DNAI7: variants seen among roughly 807,000 people sequenced by gnomAD.
The protein encoded by DNAI7 is cancer susceptibility 1.
A neutral mutation model predicts 86.6 loss-of-function variants in DNAI7; 78 were observed. The observed-to-expected ratio is 0.90, with a 90% CI of 0.75 to 1.09. The LOEUF (loss-of-function observed/expected upper bound fraction) is 1.09. DNAI7 is among the 50% of genes least tolerant of loss of function. DNAI7 has a pLI of 0.00. For missense variants in DNAI7, 753 were observed against 810.2 expected (o/e 0.93, Z 0.86); for synonymous variants, 274 against 273.0 (o/e 1.00, Z -0.04).
At chr12:25,118,657 G>A (rs2140426182) in intron 12 of DNAI7, among the ~76,000 whole-genome samples, 1 of 152,190 alleles carries the variant, frequency 6.6e-6, no homozygotes, top group Middle Eastern at 3.4e-3. Flanking sequence ...CACCTCCCGG[G>A]TTCAGGCGAT....
rs543114485 is a variant in DNAI7, at chr12:25,163,308, C to T, written c.22-2111G>A. Among the ~76,000 whole-genome samples, 8 of 152,088 alleles carry T rather than the reference C, an allele frequency of 5.3e-5. 1 individual carries two copies. The East Asian group carries it at 9.6e-4, about 18-fold the overall frequency. On this transcript the variant is annotated intron_variant, in intron 2 of 15. Coordinates refer to ENST00000395987, the MANE Select transcript of DNAI7 (RefSeq NM_018272.5). ...GTTCCTGCCTTAACTGATGACATTCCGCCACAAAAAAAGTGAAAATGGCCT... is the reference window on the plus strand; with the variant it reads ...GTTCCTGCCTTAACTGATGACATTCTGCCACAAAAAAAGTGAAAATGGCCT...
At chr12:25,137,433 A>G (rs1034754804) in intron 9 of DNAI7, among the ~76,000 whole-genome samples, 1 of 152,038 alleles carries the variant, frequency 6.6e-6, no homozygotes, top group Non-Finnish European at 1.5e-5. Context: ...ACCCCCCTAA[A>G]TCATAAATCT....
intron 5 of DNAI7, 54 bp downstream of exon 5, chr12:25,155,257 A>T: frequency 2.2e-6 from 2 of 892,534 alleles, no homozygotes; most frequent in Non-Finnish European, 3.5e-6. Context: ...ATTGGACTAC[A>T]CCTCCCTCTT....
At chr12:25,140,478 T>A (rs1372232523) in intron 9 of DNAI7, among the ~76,000 whole-genome samples, 2 of 151,700 alleles carry the variant, frequency 1.3e-5, no homozygotes, top group East Asian at 1.9e-4. Context: ...AATAAATAAA[T>A]AAAATACTTA....
At chr12:25,166,134 T>C (rs1238145926) in intron 2 of DNAI7, among the ~76,000 whole-genome samples, 1 of 152,126 alleles carries the variant, frequency 6.6e-6, no homozygotes, top group Non-Finnish European at 1.5e-5. Context: ...TCAATGCCAA[T>C]ATCCCATCCC....
At chr12:25,160,686 T>C (rs922346936) in intron 3 of DNAI7, among the ~76,000 whole-genome samples, 1 of 152,218 alleles carries the variant, frequency 6.6e-6, no homozygotes, top group African/African-American at 2.4e-5. Context: ...ATTGCTCCAT[T>C]GGTGAGAGAG....
At position 25,147,745 on chromosome 12, in the gene DNAI7, T is replaced by C. The variant is rs185755743; in HGVS notation, c.586-641A>G. ...TTTCTCAGTCATAACATCAGAATCA[T>C]GACTTTTCATTTTAACTATACACAT... On this transcript the variant is annotated intron_variant, in intron 7 of 15. Transcript: ENST00000395987. Among the ~76,000 whole-genome samples, 377 of 152,328 alleles carry C rather than the reference T, an allele frequency of 2.5e-3. 2 individuals carry two copies. Among genetic ancestry groups the C allele is most frequent in the Non-Finnish European group, 4.6e-3 (316 of 68,022 alleles).
At chr12:25,157,070 C>T (rs913325512) in intron 4 of DNAI7, among the ~76,000 whole-genome samples, 6 of 151,992 alleles carry the variant, frequency 3.9e-5, no homozygotes, top group Middle Eastern at 3.2e-3. Context: ...GGGTGGATCA[C>T]GAGGTCAGGT....
chr12:25,187,626 T>G (rs1950150349), intron 2 of DNAI7, among the ~76,000 whole-genome samples: 1 of 152,084 alleles, frequency 6.6e-6, no homozygotes, highest in Admixed American at 6.6e-5. Flanking sequence ...GCCTTGATTG[T>G]GATAGCAAAA....
chr12:25,109,623 T>C (rs1274835604), intron 15 of DNAI7, among the ~76,000 whole-genome samples: 2 of 152,204 alleles, frequency 1.3e-5, no homozygotes. Flanking sequence ...AGTCAAGAGC[T>C]TGGACAACAA....
intron 9 of DNAI7, among the ~76,000 whole-genome samples, chr12:25,124,974 A>G (rs2352784): frequency 0.4 from 60,371 of 152,036 alleles, 13,856 homozygotes; most frequent in East Asian, 0.77. Context: ...ATGGCTGCAT[A>G]GTATTCCATG....
intron 4 of DNAI7, among the ~76,000 whole-genome samples, chr12:25,157,203 G>A (rs11047866): frequency 0.11 from 17,264 of 150,288 alleles, 1,339 homozygotes; most frequent in Admixed American, 0.16. Flanking sequence ...GCGTGAACCC[G>A]GGAGGCGGAG....
At chr12:25,113,582 G>A (rs1179836526) in intron 13 of DNAI7, among the ~76,000 whole-genome samples, 1 of 152,102 alleles carries the variant, frequency 6.6e-6, no homozygotes, top group Non-Finnish European at 1.5e-5. Context: ...TTACAGGCGT[G>A]AGCCACCGCT....
At chr12:25,182,137 T>G (rs1345752588) in intron 2 of DNAI7, among the ~76,000 whole-genome samples, 1 of 151,136 alleles carries the variant, frequency 6.6e-6, no homozygotes, top group Non-Finnish European at 1.5e-5. Flanking sequence ...CACCTGAGGT[T>G]GGGAGGTTGA....
chr12:25,118,090 T>G (rs962608710), intron 12 of DNAI7, among the ~76,000 whole-genome samples: 1 of 148,700 alleles, frequency 6.7e-6, no homozygotes, highest in African/African-American at 2.5e-5. Flanking sequence ...TGTGCCACCA[T>G]GCCCCATTAG....
At chr12:25,186,992 T>C (rs939903289) in intron 2 of DNAI7, among the ~76,000 whole-genome samples, 2 of 152,154 alleles carry the variant, frequency 1.3e-5, no homozygotes, top group Non-Finnish European at 2.9e-5. Flanking sequence ...TACCCTTGTG[T>C]CCCCCTACAG....
chr12:25,175,925 A>T (rs1948907480), intron 2 of DNAI7, among the ~76,000 whole-genome samples: 1 of 151,880 alleles, frequency 6.6e-6, no homozygotes, highest in Non-Finnish European at 1.5e-5. Context: ...TAAAAAATAT[A>T]AAAAATTAGC....
chr12:25,107,982 A>G (rs1949327511), downstream of DNAI7: 1 of 1,614,042 alleles, frequency 6.2e-7, no homozygotes. Flanking sequence ...CCACACAGCA[A>G]GAGGACTCAT....
chr12:25,118,536 T>G (rs1253828969), intron 12 of DNAI7, among the ~76,000 whole-genome samples: 1 of 152,164 alleles, frequency 6.6e-6, no homozygotes, highest in Non-Finnish European at 1.5e-5. Flanking sequence ...GTGCTGAGAT[T>G]GCAGGCATGA....
Sources: allele counts gnomAD v4.1 joint callset (sites outside exome capture counted in the v4.1 genomes callset), GRCh38; gene constraint gnomAD v4.1.1; transcripts MANE v1.5; gene names NCBI Gene and HGNC (gene_info 2026-07-23, HGNC 2026-07-21).